RIMS1: variants seen among roughly 807,000 people sequenced by gnomAD.
The protein encoded by RIMS1 is regulating synaptic membrane exocytosis 1.
A neutral mutation model predicts 214.1 loss-of-function variants in RIMS1; 83 were observed. The ratio of observed to expected loss-of-function variants is 0.39; its 90% confidence interval spans 0.32 to 0.47. The LOEUF is 0.47. Ranked by LOEUF, RIMS1 falls within the 20% of genes least tolerant of loss-of-function variation. RIMS1 has a pLI of 0.99. For synonymous variants in RIMS1, 793 were observed against 786.8 expected (o/e 1.01, Z -0.13); for missense variants, 2,050 against 2,161.8 (o/e 0.95, Z 1.03).
chr6:72,244,037 A>C (rs1455843872), intron 10 of RIMS1, among the ~76,000 whole-genome samples: 1 of 151,306 alleles, frequency 6.6e-6, no homozygotes, highest in East Asian at 1.9e-4. Flanking sequence ...TAATAATAAT[A>C]TTTAATGTAG....
At chr6:72,343,535 T>C (rs1378533892) in intron 29 of RIMS1, among the ~76,000 whole-genome samples, 1 of 131,494 alleles carries the variant, frequency 7.6e-6, no homozygotes, top group Non-Finnish European at 1.6e-5. Context: ...GGTCTTGAAC[T>C]CCTGGCCTCA....
chr6:72,217,998 G>T (rs2056913361), intron 6 of RIMS1, among the ~76,000 whole-genome samples: 1 of 151,912 alleles, frequency 6.6e-6, no homozygotes, highest in Admixed American at 6.6e-5. Context: ...TTTTTCAGAT[G>T]CTCAAGATCA....
intron 4 of RIMS1, among the ~76,000 whole-genome samples, chr6:72,158,664 G>GT (rs1241057692): frequency 7.4e-6 from 1 of 135,450 alleles, no homozygotes; most frequent in African/African-American, 2.5e-5. Context: ...GCGGTGTTTG[G>GT]TTTTTTGTCC....
chr6:72,237,988 T>C (rs1303063319), intron 9 of RIMS1, 66 bp downstream of exon 9: 3 of 1,117,698 alleles, frequency 2.7e-6, no homozygotes, highest in Non-Finnish European at 3.9e-6. Context: ...TTGGTGGTTT[T>C]CAATTTGGGG....
intron 6 of RIMS1, among the ~76,000 whole-genome samples, chr6:72,190,346 C>A (rs2049857509): frequency 6.6e-6 from 1 of 151,832 alleles, no homozygotes; most frequent in Non-Finnish European, 1.5e-5. Flanking sequence ...GCCTGTAATC[C>A]CAGCTACTCG....
intron 6 of RIMS1, among the ~76,000 whole-genome samples, chr6:72,202,915 T>C (rs2052271774): frequency 6.6e-6 from 1 of 152,362 alleles, no homozygotes; most frequent in East Asian, 1.9e-4. Flanking sequence ...AAAGATTAAA[T>C]GAGATTATTC....
chr6:72,263,638 G>T (rs917134936), intron 19 of RIMS1: 1 of 985,190 alleles, frequency 1.0e-6, no homozygotes, highest in African/African-American at 1.7e-5. Flanking sequence ...GAGGTTAGGA[G>T]TTGAAAAGAA....
chr6:72,278,739 TATC>T (rs2088211086), intron 23 of RIMS1, among the ~76,000 whole-genome samples: 2 of 152,090 alleles, frequency 1.3e-5, no homozygotes, highest in African/African-American at 4.8e-5. Flanking sequence ...TATACATAAA[TATC>T]AATAATATAC....
At chr6:72,204,895 A>G (rs960155631) in intron 6 of RIMS1, among the ~76,000 whole-genome samples, 1 of 152,152 alleles carries the variant, frequency 6.6e-6, no homozygotes, top group South Asian at 2.1e-4. Flanking sequence ...GGGTTTGAAA[A>G]AGGGTAACTT....
chr6:71,950,613 T>C (rs902720622), intron 1 of RIMS1, among the ~76,000 whole-genome samples: 3 of 152,202 alleles, frequency 2.0e-5, no homozygotes, highest in African/African-American at 7.2e-5. Context: ...AAACCTTCAG[T>C]TGCAAAGCTA....
intron 2 of RIMS1, among the ~76,000 whole-genome samples, chr6:72,005,052 G>T (rs1165258620): frequency 6.6e-6 from 1 of 151,194 alleles, no homozygotes; most frequent in African/African-American, 2.4e-5. Context: ...TTTGTATAAG[G>T]TGTAAGGAAG....
At chr6:72,369,450 T>C (rs975594968) in intron 29 of RIMS1, among the ~76,000 whole-genome samples, 2 of 152,096 alleles carry the variant, frequency 1.3e-5, no homozygotes, top group Non-Finnish European at 2.9e-5. Context: ...GAAACTGCCT[T>C]ATATGACTGT....
chr6:72,313,121 A>T (rs958595964), intron 27 of RIMS1, among the ~76,000 whole-genome samples: 1 of 152,130 alleles, frequency 6.6e-6, no homozygotes, highest in Non-Finnish European at 1.5e-5. Flanking sequence ...CTCAGCCTAT[A>T]CTTTGACTAG....
chr6:71,961,304 C>T (rs552402949), intron 1 of RIMS1, among the ~76,000 whole-genome samples: 2 of 151,968 alleles, frequency 1.3e-5, no homozygotes, highest in South Asian at 4.2e-4. Context: ...GCCTTTACCT[C>T]CTCAGCAACT....
chr6:71,893,018 G>A (rs1305509773), intron 1 of RIMS1, among the ~76,000 whole-genome samples: 1 of 152,208 alleles, frequency 6.6e-6, no homozygotes, highest in African/African-American at 2.4e-5. Flanking sequence ...TCTAATCTGT[G>A]AAGCTTTAAA....
intron 29 of RIMS1, among the ~76,000 whole-genome samples, chr6:72,363,432 T>A (rs1323160905): frequency 6.6e-6 from 1 of 152,068 alleles, no homozygotes; most frequent in Non-Finnish European, 1.5e-5. Context: ...AGTGCATAAT[T>A]TGATTCGCAG....
intron 6 of RIMS1, among the ~76,000 whole-genome samples, chr6:72,227,386 A>G (rs572549430): frequency 6.6e-6 from 1 of 150,670 alleles, no homozygotes; most frequent in African/African-American, 2.4e-5. Flanking sequence ...TTTCGTGCAC[A>G]TTATCTCATT....
intron 18 of RIMS1, among the ~76,000 whole-genome samples, chr6:72,259,706 A>G (rs1007060387): frequency 1.3e-5 from 2 of 152,172 alleles, no homozygotes; most frequent in Non-Finnish European, 2.9e-5. Context: ...AATAATTACT[A>G]TAAGTCTACA....
chr6:71,994,999 C>G (rs1802948687), intron 2 of RIMS1, among the ~76,000 whole-genome samples: 1 of 152,146 alleles, frequency 6.6e-6, no homozygotes, highest in African/African-American at 2.4e-5. Flanking sequence ...AATAGATGTT[C>G]TGAATTATGT....
Sources: gnomAD v4.1 joint callset for allele counts (sites outside exome capture counted in the v4.1 genomes callset) on GRCh38, gnomAD v4.1.1 for gene constraint, MANE v1.5 for transcripts, NCBI Gene and HGNC (gene_info 2026-07-23, HGNC 2026-07-21) for gene names.